Variants in SPECC1 observed in about 807,000 individuals in gnomAD.
The protein encoded by SPECC1 is sperm antigen with calponin homology and coiled-coil domains 1, also known as cytospin-B.
In SPECC1, 62 loss-of-function variants were observed where a neutral mutation model predicts 104.1. That is an observed-to-expected ratio of 0.60 (90% CI 0.49 to 0.74). The LOEUF (loss-of-function observed/expected upper bound fraction) is 0.74, where lower values mean the gene tolerates loss of function less well. Ranked by LOEUF, SPECC1 falls within the 30% of genes least tolerant of loss-of-function variation. SPECC1 has a pLI of 0.00. For synonymous variants in SPECC1, 513 were observed against 501.6 expected, an observed-to-expected ratio of 1.02 and a Z score of -0.30; for missense variants, 1,306 against 1,310.5, an observed-to-expected ratio of 1.00 and a Z score of 0.05.
At chr17:20,088,466 A>C (rs1457390591) in intron 1 of SPECC1, among the ~76,000 whole-genome samples, 1 of 152,160 alleles carries the variant, frequency 6.6e-6, no homozygotes, top group Non-Finnish European at 1.5e-5. Context: ...GGCAGTGGTC[A>C]CAGACCTAGG....
intron 10 of SPECC1, among the ~76,000 whole-genome samples, chr17:20,254,962 A>G (rs2039770806): frequency 6.6e-6 from 1 of 152,198 alleles, no homozygotes; most frequent in Admixed American, 6.5e-5. Context: ...ATCTGAGCCC[A>G]TTCCTCGAGT....
At position 20,053,732 on chromosome 17, in the gene SPECC1, G is replaced by A. The variant is rs1322178102; in HGVS notation, c.-21-42899G>A. 3.3e-5 allele frequency among the ~76,000 whole-genome samples: 5 copies of A among 152,176 alleles called. 1 individual carries two copies. The highest frequency in any genetic ancestry group is 4.1e-4 in the South Asian group (2 of 4,828). On this transcript the variant is annotated intron_variant, in intron 1 of 14. Transcript: ENST00000395527. Reference sequence around the variant, plus strand: ...TGAACTCCTTGGAAGTGGACCCTCCGGCCCCAGTTGAGCCTTCAGATGATG... The same window carrying A: ...TGAACTCCTTGGAAGTGGACCCTCCAGCCCCAGTTGAGCCTTCAGATGATG...
chr17:20,279,900 A>T (rs1311096891), intron 12 of SPECC1, among the ~76,000 whole-genome samples: 1 of 152,192 alleles, frequency 6.6e-6, no homozygotes, highest in East Asian at 1.9e-4. Context: ...TGGCTGACAC[A>T]CGCTGCAACA....
intron 2 of SPECC1, among the ~76,000 whole-genome samples, chr17:20,109,685 A>G (rs912953510): frequency 6.6e-6 from 1 of 152,138 alleles, no homozygotes; most frequent in African/African-American, 2.4e-5. Flanking sequence ...GCCACAGCAG[A>G]TACTCAGATT....
intron 3 of SPECC1, chr17:20,155,880 G>A: frequency 9.0e-7 from 1 of 1,113,656 alleles, no homozygotes; most frequent in Non-Finnish European, 1.1e-6. Context: ...CAGATGAGGT[G>A]GGCGGACAGT....
At chr17:20,230,890 A>G (rs1199081226) in intron 5 of SPECC1, among the ~76,000 whole-genome samples, 1 of 152,220 alleles carries the variant, frequency 6.6e-6, no homozygotes, top group East Asian at 1.9e-4. Context: ...TTCCAGACAC[A>G]AACTCTCAGT....
At chr17:20,069,329 A>T (rs1231020618) in intron 1 of SPECC1, among the ~76,000 whole-genome samples, 2 of 152,112 alleles carry the variant, frequency 1.3e-5, no homozygotes, top group African/African-American at 4.8e-5. Flanking sequence ...TCTTGATAGT[A>T]TCTTTTGAAG....
At chr17:20,239,258 T>C in intron 7 of SPECC1, 1 of 1,013,432 alleles carries the variant, frequency 9.9e-7, no homozygotes, top group Non-Finnish European at 1.2e-6. Context: ...ATTATTTAGG[T>C]ATACTAATAA....
intron 9 of SPECC1, among the ~76,000 whole-genome samples, chr17:20,252,829 G>A (rs1249125174): frequency 6.6e-6 from 1 of 152,212 alleles, no homozygotes; most frequent in African/African-American, 2.4e-5. Flanking sequence ...CAATGAGCAA[G>A]AGAGTGCAAG....
intron 1 of SPECC1, among the ~76,000 whole-genome samples, chr17:20,072,944 T>G (rs1036099785): frequency 8.5e-5 from 13 of 152,168 alleles, no homozygotes; most frequent in African/African-American, 3.1e-4. Flanking sequence ...CCTGTTGCAG[T>G]AGATCCCATT....
chr17:20,236,930 A>G, intron 7 of SPECC1: 1 of 1,613,234 alleles, frequency 6.2e-7, no homozygotes. Flanking sequence ...CATGATTGGG[A>G]GCCGCAGCCA....
At chr17:20,017,705 A>G (rs2044201618) in intron 1 of SPECC1, 1 of 152,164 alleles carries the variant, frequency 6.6e-6, no homozygotes. Flanking sequence ...CCTTTTTTGC[A>G]CAAATAGTAG....
Position 20,316,266 on chromosome 17 carries a change from T to C in SPECC1, c.*2201T>C, listed in dbSNP as rs1473798211. On this transcript the variant is annotated 3_prime_UTR_variant, in exon 15 of 15. Coordinates refer to ENST00000395527, the MANE Select transcript of SPECC1 (RefSeq NM_001243439.2). ...GAGTTGAGCTGTTGGTTGTTAGATT[T>C]AAGCTGGAATTAGTCCAGGGTTTTA... 8.6e-6 allele frequency: 2 copies of C among 231,796 alleles called. No individual in the cohort carries two copies. Among genetic ancestry groups the C allele is most frequent in the African/African-American group, 4.4e-5 (2 of 45,254 alleles). 14.4% of individuals were successfully genotyped at this position (231,796 alleles called of 1,614,324 possible).
intron 13 of SPECC1, 102 bp downstream of exon 13, chr17:20,297,179 T>G (rs1463090814): frequency 2.2e-6 from 2 of 919,100 alleles, no homozygotes; most frequent in Admixed American, 4.6e-5. Context: ...GAAGTAGAAG[T>G]TGGGATATTG....
At chr17:20,181,605 T>C (rs2034892009) in intron 3 of SPECC1, among the ~76,000 whole-genome samples, 1 of 152,064 alleles carries the variant, frequency 6.6e-6, no homozygotes, top group African/African-American at 2.4e-5. Context: ...ATTGATGCAA[T>C]AAGGCAAAAA....
chr17:20,284,437 C>T (rs533648764), intron 12 of SPECC1, among the ~76,000 whole-genome samples: 1 of 152,368 alleles, frequency 6.6e-6, no homozygotes, highest in South Asian at 2.1e-4. Flanking sequence ...CAGGACGAGG[C>T]CACTCGAGGT....
chr17:20,012,458 C>T (rs1283503814), intron 1 of SPECC1, among the ~76,000 whole-genome samples: 1 of 151,356 alleles, frequency 6.6e-6, no homozygotes, highest in Non-Finnish European at 1.5e-5. Flanking sequence ...CTTAAAGGTT[C>T]ACAATTCTTG....
chr17:20,295,730 T>G (rs1374676971), intron 12 of SPECC1, among the ~76,000 whole-genome samples: 1 of 152,218 alleles, frequency 6.6e-6, no homozygotes, highest in Non-Finnish European at 1.5e-5. Flanking sequence ...TGTGAGATGG[T>G]ATCTCATTGA....
chr17:20,288,687 G>A (rs1410860012), intron 12 of SPECC1, among the ~76,000 whole-genome samples: 2 of 151,760 alleles, frequency 1.3e-5, no homozygotes, highest in African/African-American at 4.8e-5. Flanking sequence ...ACCTGAGACT[G>A]GGAAGAAAAA....
Sources: allele counts gnomAD v4.1 joint callset (sites outside exome capture counted in the v4.1 genomes callset), GRCh38; gene constraint gnomAD v4.1.1; transcripts MANE v1.5; gene names NCBI Gene and HGNC (gene_info 2026-07-23, HGNC 2026-07-21).